Variants in SAMSN1 observed in about 807,000 individuals in gnomAD.
The protein encoded by SAMSN1 is SAM domain-containing protein SAMSN-1.
Under a neutral mutation model 42.0 loss-of-function variants are expected in SAMSN1, and 31 were observed. The ratio of observed to expected loss-of-function variants is 0.74; its 90% CI spans 0.55 to 1.00. The LOEUF (loss-of-function observed/expected upper bound fraction) is 1.00. Among genes scored for constraint, SAMSN1 ranks in the 50% least tolerant of loss-of-function variants. The pLI is 0.00. For synonymous variants in SAMSN1, 178 were observed against 151.9 expected (o/e 1.17, Z -1.26); for missense variants, 464 against 439.4 (o/e 1.06, Z -0.50).
intron 2 of SAMSN1, among the ~76,000 whole-genome samples, chr21:14,628,248 T>C (rs1046773648): frequency 6.6e-6 from 1 of 152,106 alleles, no homozygotes; most frequent in Admixed American, 6.6e-5. Context: ...AACAATAATA[T>C]ATTATAGTTT....
chr21:14,595,265 C>T (rs540354842), intron 6 of SAMSN1, among the ~76,000 whole-genome samples: 41 of 152,084 alleles, frequency 2.7e-4, no homozygotes, highest in South Asian at 1.2e-3. Context: ...GGGGCTTTTG[C>T]GGAAGTAACT....
chr21:14,593,487 G>A (rs1191521301), intron 7 of SAMSN1, among the ~76,000 whole-genome samples: 1 of 152,092 alleles, frequency 6.6e-6, no homozygotes. Flanking sequence ...AGGAAAGGAA[G>A]GCAGTTGATG....
chr21:14,586,262 C>CAAAAAAAAAA (rs67482796), upstream of SAMSN1, among the ~76,000 whole-genome samples: 554 of 48,902 alleles, frequency 0.011, no homozygotes, highest in Middle Eastern at 0.016. Flanking sequence ...GACTCCATCT[C>CAAAAAAAAAA]AAAAAAAAAA....
At chr21:14,634,639 G>A (rs1478042291) in intron 2 of SAMSN1, among the ~76,000 whole-genome samples, 1 of 152,180 alleles carries the variant, frequency 6.6e-6, no homozygotes, top group Non-Finnish European at 1.5e-5. Flanking sequence ...CAGTCAGATG[G>A]TGATTATTAA....
chr21:14,573,470 C>T (rs903497518), intron 2 of SAMSN1, among the ~76,000 whole-genome samples: 1 of 151,920 alleles, frequency 6.6e-6, no homozygotes, highest in African/African-American at 2.4e-5. Context: ...GCTGATGCAT[C>T]CAGAGACCAT....
chr21:14,517,737 A>G (rs191670121), intron 2 of SAMSN1, among the ~76,000 whole-genome samples: 2 of 152,332 alleles, frequency 1.3e-5, no homozygotes, highest in Non-Finnish European at 2.9e-5. Flanking sequence ...AATGACTCAG[A>G]ATAAAACACT....
At chr21:14,535,572 C>T (rs930901434) in intron 1 of SAMSN1, among the ~76,000 whole-genome samples, 1 of 152,156 alleles carries the variant, frequency 6.6e-6, no homozygotes, top group African/African-American at 2.4e-5. Context: ...CACCTTGTAC[C>T]TCAGACCATG....
chr21:14,548,717 C>T (rs1044528798), upstream of SAMSN1, among the ~76,000 whole-genome samples: 4 of 151,586 alleles, frequency 2.6e-5, no homozygotes, highest in Admixed American at 2.6e-4. Flanking sequence ...CTTCTTGATC[C>T]CCAAAAAGAT....
chr21:14,652,443 G>T (rs1251641683), intron 1 of SAMSN1, among the ~76,000 whole-genome samples: 1 of 152,054 alleles, frequency 6.6e-6, no homozygotes, highest in African/African-American at 2.4e-5. Flanking sequence ...CTGGGGAAAA[G>T]ACAGTCTCTT....
intron 2 of SAMSN1, among the ~76,000 whole-genome samples, chr21:14,626,324 C>A (rs1983168962): frequency 6.6e-6 from 1 of 152,138 alleles, no homozygotes; most frequent in Admixed American, 6.5e-5. Context: ...AAAGAAACTA[C>A]CATCAGAGTG....
At chr21:14,503,528 G>T (rs913581920) in intron 5 of SAMSN1, among the ~76,000 whole-genome samples, 2 of 152,186 alleles carry the variant, frequency 1.3e-5, no homozygotes, top group Admixed American at 1.3e-4. Flanking sequence ...CAATACATTT[G>T]TGTTGTTTGA....
chr21:14,512,357 C>G (rs529456739), intron 4 of SAMSN1, 87 bp downstream of exon 4: 9 of 1,395,286 alleles, frequency 6.5e-6, no homozygotes, highest in African/African-American at 5.7e-5. Flanking sequence ...GTAGCTGGAA[C>G]CTTGTGGCTG....
chr21:14,550,842 C>T (rs535072615), upstream of SAMSN1, among the ~76,000 whole-genome samples: 7 of 152,194 alleles, frequency 4.6e-5, no homozygotes, highest in Middle Eastern at 3.4e-3. Flanking sequence ...ATTCTCCAGA[C>T]AAGATAATCT....
At chr21:14,505,895 G>T (rs55704614) in intron 5 of SAMSN1, among the ~76,000 whole-genome samples, 1 of 152,090 alleles carries the variant, frequency 6.6e-6, no homozygotes, top group South Asian at 2.1e-4. Flanking sequence ...ATTATATCAA[G>T]CACTCTTTCA....
At chr21:14,649,772 AACACACACACACAC>A (rs60905314) in intron 1 of SAMSN1, among the ~76,000 whole-genome samples, 2 of 135,646 alleles carry the variant, frequency 1.5e-5, no homozygotes, top group Admixed American at 7.5e-5. Flanking sequence ...ACTGTCTCAA[AACACACACACACAC>A]ACACACACAC....
intron 7 of SAMSN1, 48 bp from the exon 8 acceptor site, chr21:14,486,162 C>A (rs774772618): frequency 5.5e-6 from 7 of 1,283,800 alleles, no homozygotes; most frequent in Non-Finnish European, 1.1e-6. Context: ...AACACAAAAT[C>A]TTATTCATGT....
chr21:14,654,665 C>T (rs755005767), intron 1 of SAMSN1, among the ~76,000 whole-genome samples: 18 of 151,964 alleles, frequency 1.2e-4, no homozygotes, highest in Admixed American at 7.9e-4. Flanking sequence ...TTTAACAACA[C>T]GGCCAGCAAA....
intron 4 of SAMSN1, among the ~76,000 whole-genome samples, chr21:14,610,379 C>A (rs1302953151): frequency 1.3e-5 from 2 of 152,240 alleles, no homozygotes; most frequent in East Asian, 3.9e-4. Context: ...AAATTCCAGC[C>A]TGGTGAATTC....
At chr21:14,530,385 T>C (rs1979192780) in intron 1 of SAMSN1, among the ~76,000 whole-genome samples, 1 of 149,058 alleles carries the variant, frequency 6.7e-6, no homozygotes, top group Non-Finnish European at 1.5e-5. Flanking sequence ...AAAGTTATGA[T>C]AAGTAAGAAA....
Sources: allele counts gnomAD v4.1 joint callset (sites outside exome capture counted in the v4.1 genomes callset), GRCh38; gene constraint gnomAD v4.1.1; transcripts MANE v1.5; gene names NCBI Gene and HGNC (gene_info 2026-07-23, HGNC 2026-07-21).